The following ZNF273 variants were observed in gnomAD, a reference collection of about 807,000 sequenced individuals.
The protein encoded by ZNF273 is zinc finger protein 273.
In ZNF273, 11 loss-of-function variants were observed where a neutral mutation model predicts 14.9. That is an observed-to-expected ratio of 0.74 (90% CI 0.46 to 1.22). The LOEUF is 1.22. Ranked by LOEUF, ZNF273 falls within the 50% of genes most tolerant of loss-of-function variation. ZNF273 has a pLI of 0.00. For missense variants in ZNF273, 577 were observed against 660.6 expected, an observed-to-expected ratio of 0.87 and a Z score of 1.39; for synonymous variants, 199 against 223.9, an observed-to-expected ratio of 0.89 and a Z score of 0.99.
intron 1 of ZNF273, among the ~76,000 whole-genome samples, chr7:64,912,826 G>GTTTTTTTTTGT (rs1793639044): frequency 8.2e-5 from 3 of 36,568 alleles, no homozygotes; most frequent in African/African-American, 2.5e-4. Context: ...ATTCATTTTA[G>GTTTTTTTTTGT]TTTTTTTTTT....
intron 1 of ZNF273, among the ~76,000 whole-genome samples, chr7:64,915,376 A>G (rs1009207261): frequency 7.2e-5 from 11 of 152,190 alleles, no homozygotes; most frequent in Admixed American, 5.9e-4. Context: ...CAGCCTTCAG[A>G]GCTTAGAGCC....
At chr7:64,883,216 C>CCA (rs1554378911), downstream of ZNF273, among the ~76,000 whole-genome samples, 18 of 138,984 alleles carry the variant, frequency 1.3e-4, 1 homozygote, top group South Asian at 2.5e-4. Context: ...AAATCACCAC[C>CCA]CCCCCCTCAC....
Position 64,928,742 on chromosome 7 carries a change from A to G in ZNF273, c.1414A>G (p.Thr472Ala), listed in dbSNP as rs139068224. ...TGGCAGTGCCTTTAGGGCATTCTCA[A>G]CCCTTACTGAACATAAGAGAGTTCA... ...ECGSAFRAFS[T>A]LTEHKRVHTG... The change falls in exon 4 of 4, where the codon ACC becomes GCC. Residue 472 changes from threonine (T) to alanine (A), a missense_variant. By Grantham distance (58) the Thr-to-Ala change is moderately conservative. Transcript: ENST00000476120. 6.2e-7 allele frequency: 1 copy of G among 1,611,244 alleles called. No homozygotes were observed. The highest frequency in any genetic ancestry group is 8.5e-7 in the Non-Finnish European group (1 of 1,178,466).
upstream of ZNF273, among the ~76,000 whole-genome samples, chr7:64,900,201 A>T (rs1283184934): frequency 6.7e-6 from 1 of 149,414 alleles, no homozygotes; most frequent in Non-Finnish European, 1.5e-5. Flanking sequence ...ATCTCGGCTC[A>T]CTGCCACCTC....
chr7:64,915,016 CT>C (rs1456619327), intron 1 of ZNF273, among the ~76,000 whole-genome samples: 2 of 149,548 alleles, frequency 1.3e-5, no homozygotes, highest in Non-Finnish European at 3.0e-5. Context: ...ACTTGTAAAC[CT>C]TTGCTTCTCT....
downstream of ZNF273, among the ~76,000 whole-genome samples, chr7:64,883,108 C>T (rs1791339122): frequency 6.6e-6 from 1 of 151,850 alleles, no homozygotes; most frequent in South Asian, 2.1e-4. Context: ...CGCCTCTGTG[C>T]GGCTCTGCTT....
chr7:64,921,342 G>A (rs139575325), intron 3 of ZNF273, among the ~76,000 whole-genome samples: 1,738 of 152,136 alleles, frequency 0.011, 21 homozygotes, highest in Non-Finnish European at 0.018. Context: ...GATTACAGGC[G>A]TGAGCCACCA....
At chr7:64,899,052 G>A (rs1217426734), upstream of ZNF273, among the ~76,000 whole-genome samples, 1 of 152,206 alleles carries the variant, frequency 6.6e-6, no homozygotes, top group East Asian at 1.9e-4. Flanking sequence ...TATATAACAT[G>A]CATTTTCCTG....
chr7:64,889,500 T>A (rs549102800), downstream of ZNF273: 325 of 985,898 alleles, frequency 3.3e-4, 7 homozygotes, highest in Admixed American at 0.02. This position sits in a 1 kb window ranked among gnomAD's most constrained non-coding sequence, Gnocchi z 4.2. Flanking sequence ...CGGTTTCTTC[T>A]AGGTCGCCCT....
At chr7:64,932,387 C>T (rs1031535045), downstream of ZNF273, among the ~76,000 whole-genome samples, 3 of 151,880 alleles carry the variant, frequency 2.0e-5, no homozygotes, top group African/African-American at 7.3e-5. Flanking sequence ...CTTGGCTCAC[C>T]ACAACCTCCA....
chr7:64,912,219 A>G (rs534412923), intron 1 of ZNF273, among the ~76,000 whole-genome samples: 4 of 152,140 alleles, frequency 2.6e-5, no homozygotes, highest in East Asian at 1.9e-4. Flanking sequence ...TCGGCCTCCC[A>G]AAGTATGGGG....
At chr7:64,900,719 C>A (rs1439556152), upstream of ZNF273, among the ~76,000 whole-genome samples, 1 of 152,180 alleles carries the variant, frequency 6.6e-6, no homozygotes, top group African/African-American at 2.4e-5. Flanking sequence ...CTAGTCCTAA[C>A]CAGTTTTTTG....
intron 1 of ZNF273, 144 bp downstream of exon 1, chr7:64,903,563 C>T: frequency 1.2e-6 from 1 of 831,730 alleles, no homozygotes; most frequent in Non-Finnish European, 1.9e-6. Flanking sequence ...GCTCGGCCCT[C>T]AGTCCCCTTC....
At chr7:64,917,828 G>GA in intron 2 of ZNF273, 121 bp downstream of exon 2, 1 of 1,105,864 alleles carries the variant, frequency 9.0e-7, no homozygotes, top group African/African-American at 1.6e-5. Flanking sequence ...AAATCCTGGG[G>GA]ATTTGTTCAT....
chr7:64,889,244 G>C (rs1484516326), downstream of ZNF273: 11 of 985,418 alleles, frequency 1.1e-5, no homozygotes, highest in Non-Finnish European at 1.3e-5. This position sits in a 1 kb window ranked among gnomAD's most constrained non-coding sequence, Gnocchi z 4.2. Context: ...CCTTGGCCCC[G>C]CTCCCCGCCC....
In ZNF273 at chr7:64,918,282, C is replaced by T. The variant is rs553947032; in HGVS notation, c.315C>T (p.Ala105=). The T allele has an allele frequency of 4.7e-5, 74 of 1,561,040 alleles. 1 individual carries two copies. The South Asian group carries it at 7.3e-4, about 15-fold the overall frequency. The change falls in exon 3 of 4, where the codon GCC becomes GCT. Residue 105 remains alanine (A), a synonymous_variant. Coordinates refer to ENST00000476120, the MANE Select transcript of ZNF273 (RefSeq NM_021148.3). ...ATATGAAGAGACATGCGATGGTAGC[C>T]AAACCCCCAGGTAGGTGAGAGTGAT... ...PCNMKRHAMV[A]KPPVVCSHFA... is the part of the protein sequence containing the mutation.
downstream of ZNF273, chr7:64,933,661 A>T (rs993147002): frequency 6.6e-6 from 1 of 152,232 alleles, no homozygotes; most frequent in African/African-American, 2.4e-5. Context: ...GCCACACAAG[A>T]ACTAAGTATT....
At chr7:64,936,051 A>C in the ZNF273 span, among the ~76,000 whole-genome samples, 1 of 152,218 alleles carries the variant, frequency 6.6e-6, no homozygotes, top group African/African-American at 2.4e-5. Flanking sequence ...TGAAGGGAGA[A>C]TTCTTCAGGT....
intron 3 of ZNF273, among the ~76,000 whole-genome samples, chr7:64,926,847 T>G (rs2129103668): frequency 6.6e-6 from 1 of 152,316 alleles, no homozygotes; most frequent in Non-Finnish European, 1.5e-5. Flanking sequence ...TCATGTTTCT[T>G]CTTAATAGTC....
Sources: allele counts gnomAD v4.1 joint callset (sites outside exome capture counted in the v4.1 genomes callset), GRCh38; gene constraint gnomAD v4.1.1; non-coding constraint Gnocchi (gnomAD v3.1); transcripts MANE v1.5; gene names NCBI Gene and HGNC (gene_info 2026-07-23, HGNC 2026-07-21).